Variants in RIMS1 observed in about 807,000 individuals in gnomAD.
RIMS1 encodes the protein regulating synaptic membrane exocytosis 1, also known as regulating synaptic membrane exocytosis protein 1.
In RIMS1, 83 loss-of-function variants were observed where a neutral mutation model predicts 214.1. That is an observed-to-expected ratio of 0.39 (90% CI 0.32 to 0.47). The LOEUF (loss-of-function observed/expected upper bound fraction) is 0.47, where lower values mean the gene tolerates loss of function less well. Ranked by LOEUF, RIMS1 falls within the 20% of genes least tolerant of loss-of-function variation. The probability of loss-of-function intolerance (pLI) is 0.99; values close to 1 mark genes in which losing one functional copy is unlikely to be tolerated. For synonymous variants in RIMS1, 793 were observed against 786.8 expected (o/e 1.01, Z -0.13); for missense variants, 2,050 against 2,161.8 (o/e 0.95, Z 1.03).
chr6:72,140,399 T>C (rs1482975180), intron 4 of RIMS1, among the ~76,000 whole-genome samples: 2 of 152,162 alleles, frequency 1.3e-5, no homozygotes, highest in Non-Finnish European at 2.9e-5. Flanking sequence ...AGATATCAAA[T>C]AATTCCAAGG....
chr6:72,128,851 T>C (rs557145752), intron 4 of RIMS1, among the ~76,000 whole-genome samples: 33 of 152,316 alleles, frequency 2.2e-4, no homozygotes, highest in African/African-American at 7.7e-4. Flanking sequence ...GAAATATTTC[T>C]TCCTTCTGTA....
At chr6:72,324,668 A>G (rs776234031) in intron 28 of RIMS1, among the ~76,000 whole-genome samples, 4 of 151,992 alleles carry the variant, frequency 2.6e-5, no homozygotes, top group Non-Finnish European at 5.9e-5. Flanking sequence ...ATGATATTGT[A>G]AACAACTTAC....
At chr6:72,058,942 G>T (rs969899481) in intron 2 of RIMS1, among the ~76,000 whole-genome samples, 2 of 152,126 alleles carry the variant, frequency 1.3e-5, no homozygotes, top group Non-Finnish European at 2.9e-5. Context: ...AGCTGTGGAA[G>T]AAAACAGCCT....
chr6:72,153,889 G>C (rs74516746), intron 4 of RIMS1, among the ~76,000 whole-genome samples: 1,698 of 152,112 alleles, frequency 0.011, 10 homozygotes, highest in Non-Finnish European at 0.017. Flanking sequence ...TTTTAAAAAC[G>C]TACAAAATAT....
chr6:72,118,355 A>C (rs1445512181), intron 4 of RIMS1, among the ~76,000 whole-genome samples: 2 of 151,304 alleles, frequency 1.3e-5, no homozygotes, highest in African/African-American at 4.8e-5. Flanking sequence ...CAGTAAGTAA[A>C]AGTCCAGGGC....
chr6:72,102,520 C>A (rs926771503), intron 4 of RIMS1, among the ~76,000 whole-genome samples: 1 of 151,846 alleles, frequency 6.6e-6, no homozygotes, highest in Non-Finnish European at 1.5e-5. Context: ...ACTAGTTTTT[C>A]GTAACTGTCC....
chr6:72,056,871 A>G (rs547421023), intron 2 of RIMS1, among the ~76,000 whole-genome samples: 1 of 152,202 alleles, frequency 6.6e-6, no homozygotes, highest in Non-Finnish European at 1.5e-5. Flanking sequence ...TATCTAAGAA[A>G]AGCTAATTTG....
intron 31 of RIMS1, among the ~76,000 whole-genome samples, chr6:72,393,085 G>GA (rs36027740): frequency 0.46 from 60,063 of 131,454 alleles, 13,068 homozygotes; most frequent in South Asian, 0.52. Flanking sequence ...TCACAGCATG[G>GA]AAAAAAAAAA....
Position 72,244,641 on chromosome 6 carries a change from T to A in RIMS1, c.2082-1174T>A, listed in dbSNP as rs1426371713. ...TTTTGGGTATTGTAAATTAGTCTTT[T>A]AATTCATTCAAATGATTTTATATAA... On this transcript the variant is annotated intron_variant, in intron 10 of 33. Transcript: ENST00000521978. 2.6e-5 allele frequency among the ~76,000 whole-genome samples: 4 copies of A among 151,972 alleles called. No individual in the cohort carries two copies. In the East Asian group the frequency reaches 7.7e-4, roughly 29 times the overall value.
chr6:71,958,694 G>A lies in RIMS1; in HGVS notation c.165-10289G>A, dbSNP rs185567794. 1.2e-3 allele frequency among the ~76,000 whole-genome samples: 178 copies of A among 152,234 alleles called. 1 individual carries two copies. The highest frequency in any genetic ancestry group is 4.1e-3 in the African/African-American group (170 of 41,552). On this transcript the variant is annotated intron_variant, in intron 1 of 33. Coordinates refer to ENST00000521978, the MANE Select transcript of RIMS1 (RefSeq NM_014989.7). ...TTTAATACATGACAGGTAATGGGAG[G>A]TGAAGTCTGGAAATGACAGTTCAGG...
intron 2 of RIMS1, among the ~76,000 whole-genome samples, chr6:72,057,425 G>A (rs1464347004): frequency 6.6e-6 from 1 of 152,014 alleles, no homozygotes; most frequent in Non-Finnish European, 1.5e-5. Flanking sequence ...TGACTGTATG[G>A]GGATAACCTT....
At chr6:72,282,526 A>T (rs563549089) in intron 23 of RIMS1, among the ~76,000 whole-genome samples, 1 of 152,156 alleles carries the variant, frequency 6.6e-6, no homozygotes, top group African/African-American at 2.4e-5. Context: ...TCCTTCCAGA[A>T]CAGATACACA....
At chr6:71,967,159 C>T (rs983196800) in intron 1 of RIMS1, among the ~76,000 whole-genome samples, 16 of 152,110 alleles carry the variant, frequency 1.1e-4, no homozygotes, top group Non-Finnish European at 2.4e-4. Flanking sequence ...GAGGCCAAGG[C>T]GGGTGGATCA....
intron 6 of RIMS1, among the ~76,000 whole-genome samples, chr6:72,188,947 G>A (rs1392367461): frequency 6.6e-6 from 1 of 152,184 alleles, no homozygotes; most frequent in East Asian, 1.9e-4. Flanking sequence ...AGGTAGCAGT[G>A]GCCAGGTGGC....
intron 6 of RIMS1, among the ~76,000 whole-genome samples, chr6:72,221,779 T>C (rs2058526978): frequency 6.6e-6 from 1 of 152,012 alleles, no homozygotes; most frequent in Non-Finnish European, 1.5e-5. Context: ...TTTTTCTTAA[T>C]ACTGAGATTA....
chr6:71,943,463 A>G (rs1277524565), intron 1 of RIMS1, among the ~76,000 whole-genome samples: 1 of 152,170 alleles, frequency 6.6e-6, no homozygotes, highest in Non-Finnish European at 1.5e-5. Flanking sequence ...AAAATGTTCA[A>G]CATGGATGAG....
intron 29 of RIMS1, among the ~76,000 whole-genome samples, chr6:72,366,540 A>G (rs1296388098): frequency 1.3e-5 from 2 of 152,200 alleles, no homozygotes; most frequent in East Asian, 1.9e-4. Context: ...GTGGCCCTTT[A>G]GCAGTTTTCA....
At chr6:72,117,966 AAG>A (rs1231063454) in intron 4 of RIMS1, among the ~76,000 whole-genome samples, 1 of 151,964 alleles carries the variant, frequency 6.6e-6, no homozygotes, top group Non-Finnish European at 1.5e-5. Context: ...AATAATACAA[AAG>A]AGATATGAAA....
chr6:71,987,228 G>T (rs1001626424), intron 2 of RIMS1, among the ~76,000 whole-genome samples: 2 of 152,030 alleles, frequency 1.3e-5, no homozygotes, highest in Non-Finnish European at 2.9e-5. Context: ...TTAGTTCCAG[G>T]CTGCTATTAA....
Sources: gnomAD v4.1 joint callset for allele counts (sites outside exome capture counted in the v4.1 genomes callset) on GRCh38, gnomAD v4.1.1 for gene constraint, MANE v1.5 for transcripts, NCBI Gene and HGNC (gene_info 2026-07-23, HGNC 2026-07-21) for gene names.